The following PRELID2 variants were observed in gnomAD, a reference collection of about 807,000 sequenced individuals.
The protein encoded by PRELID2 is PRELI domain containing 2, also known as PRELI domain-containing protein 2.
Under a neutral mutation model 28.4 loss-of-function variants are expected in PRELID2, and 25 were observed. The observed-to-expected ratio is 0.88, with a 90% CI of 0.64 to 1.23. The LOEUF (loss-of-function observed/expected upper bound fraction) is 1.23, where lower values mean the gene tolerates loss of function less well. Among genes scored for constraint, PRELID2 ranks in the 50% most tolerant of loss-of-function variants. The pLI, the probability that PRELID2 is intolerant of heterozygous loss-of-function variation, is 0.00. For synonymous variants in PRELID2, 76 were observed against 71.6 expected (o/e 1.06, Z -0.31); for missense variants, 201 against 214.4 (o/e 0.94, Z 0.39).
At chr5:145,236,859 A>T in the PRELID2 span, among the ~76,000 whole-genome samples, 1 of 152,132 alleles carries the variant, frequency 6.6e-6, no homozygotes, top group Non-Finnish European at 1.5e-5. Flanking sequence ...AAATAGCCAC[A>T]GTTATGTCTG....
intron 1 of PRELID2, among the ~76,000 whole-genome samples, chr5:145,617,796 C>T (rs1168070135): frequency 6.6e-6 from 1 of 150,988 alleles, no homozygotes; most frequent in Non-Finnish European, 1.5e-5. Flanking sequence ...TGAAATGGCG[C>T]TATCTTTGCT....
At chr5:145,760,948 T>C (rs1366023701) in intron 6 of PRELID2, among the ~76,000 whole-genome samples, 1 of 152,210 alleles carries the variant, frequency 6.6e-6, no homozygotes, top group African/African-American at 2.4e-5. Flanking sequence ...AGCATATTGG[T>C]TAGTGAGATT....
chr5:145,628,599 T>A (rs1362193170), intron 1 of PRELID2, among the ~76,000 whole-genome samples: 1 of 152,098 alleles, frequency 6.6e-6, no homozygotes, highest in Non-Finnish European at 1.5e-5. Context: ...GCTGGGATTA[T>A]AGGCATGAGC....
At chr5:145,738,266 C>A (rs1756553430) in intron 1 of PRELID2, among the ~76,000 whole-genome samples, 1 of 152,038 alleles carries the variant, frequency 6.6e-6, no homozygotes, top group Non-Finnish European at 1.5e-5. Flanking sequence ...TAACATAATA[C>A]CCAAAATATC....
At chr5:145,742,282 A>G (rs1756848545) in intron 1 of PRELID2, among the ~76,000 whole-genome samples, 2 of 135,226 alleles carry the variant, frequency 1.5e-5, no homozygotes, top group South Asian at 4.4e-4. Context: ...CAAATAAAAT[A>G]TATATTTTTA....
At chr5:145,768,132 G>C (rs1255116430) in intron 5 of PRELID2, among the ~76,000 whole-genome samples, 1 of 150,076 alleles carries the variant, frequency 6.7e-6, no homozygotes, top group African/African-American at 2.5e-5. Context: ...GGCTAAGACA[G>C]GAGAATTGCT....
the PRELID2 span, among the ~76,000 whole-genome samples, chr5:145,318,061 T>C: frequency 1.3e-5 from 2 of 152,238 alleles, no homozygotes; most frequent in African/African-American, 4.8e-5. Flanking sequence ...TAAGGGACTG[T>C]GGCACTGTAT....
rs1451601363 is a variant in PRELID2 at position 145,474,673 on chromosome 5, A to C, written n.71-1358T>G. ...GGGTTCAAGTCACAGCTGGCCCCTC[A>C]AGACAGATTTCCTGATTATATAGTT... On this transcript the variant is annotated intron_variant and non_coding_transcript_variant, in intron 1 of 2. Coordinates refer to the PRELID2 transcript ENST00000510259. Among the ~76,000 whole-genome samples, 3 of 152,186 alleles carry C rather than the reference A, an allele frequency of 2.0e-5. 1 individual carries two copies. Among genetic ancestry groups the C allele is most frequent in the Non-Finnish European group, 4.4e-5 (3 of 68,036 alleles).
intron 1 of PRELID2, among the ~76,000 whole-genome samples, chr5:145,709,371 T>C (rs1459644307): frequency 1.3e-5 from 2 of 152,196 alleles, no homozygotes; most frequent in Non-Finnish European, 2.9e-5. Context: ...AGGAATAGTT[T>C]TCTACTTGTG....
the PRELID2 span, among the ~76,000 whole-genome samples, chr5:145,303,813 T>C: frequency 2.0e-5 from 3 of 152,192 alleles, no homozygotes; most frequent in Admixed American, 2.0e-4. Context: ...GCTTGTCCTC[T>C]AAAACCCCAA....
intron 1 of PRELID2, among the ~76,000 whole-genome samples, chr5:145,739,823 T>A (rs1756601994): frequency 6.6e-6 from 1 of 151,796 alleles, no homozygotes; most frequent in South Asian, 2.1e-4. Flanking sequence ...AACCACCTAA[T>A]TTTTTTAAAA....
At chr5:145,804,090 T>C (rs1243363099) in intron 4 of PRELID2, among the ~76,000 whole-genome samples, 1 of 152,088 alleles carries the variant, frequency 6.6e-6, no homozygotes, top group Non-Finnish European at 1.5e-5. Flanking sequence ...CCTAAATTAT[T>C]AACAATGAGC....
At chr5:145,406,051 G>T in the PRELID2 span, among the ~76,000 whole-genome samples, 1 of 151,850 alleles carries the variant, frequency 6.6e-6, no homozygotes, top group Non-Finnish European at 1.5e-5. Flanking sequence ...AACTCCCTCG[G>T]GATCACAAGA....
chr5:145,759,754 G>T lies in PRELID2; in HGVS notation c.*782C>A, dbSNP rs775117704. ...TCTTTAATCATCATAACGCATTGGC[G>T]GAAAGACCTGTGCCTGATTATCCCC... On this transcript the variant is annotated 3_prime_UTR_variant, in exon 7 of 7. Coordinates refer to ENST00000683046, the MANE Select transcript of PRELID2 (RefSeq NM_205846.3). The T allele has an allele frequency of 2.0e-5, 3 of 152,180 alleles. No individual in the cohort carries two copies. Among genetic ancestry groups the T allele is most frequent in the Non-Finnish European group, 1.5e-5 (1 of 68,030 alleles). 9.4% of individuals were successfully genotyped at this position (152,180 alleles called of 1,614,324 possible).
intron 5 of PRELID2, among the ~76,000 whole-genome samples, chr5:145,782,780 A>C (rs1164739237): frequency 6.6e-6 from 1 of 152,250 alleles, no homozygotes; most frequent in Non-Finnish European, 1.5e-5. Context: ...TAGTTAGCTT[A>C]AACTACTGCA....
the PRELID2 span, among the ~76,000 whole-genome samples, chr5:145,449,078 C>T: frequency 2.0e-5 from 3 of 152,108 alleles, no homozygotes; most frequent in African/African-American, 7.2e-5. Context: ...AGTTTATCCC[C>T]TCGTATTGAG....
At chr5:145,519,892 T>C (rs1016709939) in intron 1 of PRELID2, among the ~76,000 whole-genome samples, 11 of 152,332 alleles carry the variant, frequency 7.2e-5, no homozygotes, top group Admixed American at 5.2e-4. Flanking sequence ...AATTGAAACA[T>C]CTCAAATGGT....
intron 1 of PRELID2, among the ~76,000 whole-genome samples, chr5:145,596,493 T>C (rs1481062756): frequency 6.6e-6 from 1 of 152,116 alleles, no homozygotes; most frequent in African/African-American, 2.4e-5. Flanking sequence ...ATGAGAAGAA[T>C]ATCAAATTCT....
the PRELID2 span, chr5:145,338,056 CAT>C: frequency 6.6e-6 from 1 of 152,048 alleles, no homozygotes; most frequent in Non-Finnish European, 1.5e-5. Context: ...ACAAATAAAA[CAT>C]GTATATAATG....
Sources: allele counts gnomAD v4.1 joint callset (sites outside exome capture counted in the v4.1 genomes callset), GRCh38; gene constraint gnomAD v4.1.1; transcripts MANE v1.5; gene names NCBI Gene and HGNC (gene_info 2026-07-23, HGNC 2026-07-21).